RNF123: variants seen among roughly 807,000 people sequenced by gnomAD.
RNF123 encodes ring finger protein 123.
RNF123 carries 86 observed loss-of-function variants against 168.5 expected under a neutral mutation model. The observed-to-expected ratio is 0.51, with a 90% CI of 0.43 to 0.61. The LOEUF (loss-of-function observed/expected upper bound fraction) is 0.61. RNF123 is among the 20% of genes least tolerant of loss of function. RNF123 has a pLI of 0.00. For synonymous variants in RNF123, 666 were observed against 689.1 expected (o/e 0.97, Z 0.52); for missense variants, 1,419 against 1,729.7 (o/e 0.82, Z 3.19).
intron 35 of RNF123, chr3:49,718,852 G>A (rs754152158): frequency 2.5e-6 from 4 of 1,613,448 alleles, no homozygotes; most frequent in Non-Finnish European, 1.7e-6. Context: ...GGCCGGCAGC[G>A]CGGCCAGCTC....
At chr3:49,705,402 G>A (rs2054495364) in intron 23 of RNF123, 132 bp from the exon 24 acceptor site, 31 of 1,352,650 alleles carry the variant, frequency 2.3e-5, no homozygotes, top group Admixed American at 5.1e-5. Flanking sequence ...CTACCCCCAT[G>A]CCCCCATGGG....
chr3:49,719,962 T>C (rs560624928), intron 35 of RNF123: 1 of 165,248 alleles, frequency 6.1e-6, no homozygotes, highest in African/African-American at 2.4e-5. Context: ...GAAGGACTGA[T>C]AATATTATGG....
At chr3:49,700,405 C>G in intron 13 of RNF123, 53 bp downstream of exon 13, 1 of 1,612,228 alleles carries the variant, frequency 6.2e-7, no homozygotes, top group Non-Finnish European at 8.5e-7. Flanking sequence ...TCACTGGGGT[C>G]GGGAAGATAC....
chr3:49,719,203 C>G, intron 35 of RNF123: 1 of 1,613,256 alleles, frequency 6.2e-7, no homozygotes, highest in African/African-American at 1.3e-5. Context: ...GTGCAGGGCG[C>G]GCAGCTGGAA....
chr3:49,712,982 C>T (rs2080172850), intron 27 of RNF123: 1 of 699,572 alleles, frequency 1.4e-6, no homozygotes, highest in Non-Finnish European at 2.6e-6. Context: ...CACCTTGACT[C>T]CCTGGCACTG....
Position 49,716,469 on chromosome 3 carries a change from A to C in RNF123, c.3492A>C (p.Pro1164=), listed in dbSNP as rs781701224. The C allele has an allele frequency of 6.8e-6, 11 of 1,613,784 alleles. No individual in the cohort carries two copies. The African/African-American group carries it at 1.5e-4, about 22-fold the overall frequency. Residue 1164 remains proline, a synonymous_variant, in exon 35 of 39, where the codon CCA becomes CCC. Transcript: ENST00000327697. ...TGGTGCAGCTCCTGGTGCGTGGCCC[A>C]GCCTCAGAGTGAGTGTTGGGGACCG... is the stretch of plus-strand genomic sequence containing the variant. ...GILVQLLVRG[P]ASEREQATSV...
intron 3 of RNF123, among the ~76,000 whole-genome samples, chr3:49,696,528 G>T (rs1575520645): frequency 1.3e-5 from 2 of 151,748 alleles, no homozygotes. Flanking sequence ...TAGTAGAGTC[G>T]CAATTTCACC....
intron 3 of RNF123, among the ~76,000 whole-genome samples, chr3:49,696,773 A>C (rs1461304983): frequency 6.6e-6 from 1 of 150,682 alleles, no homozygotes; most frequent in Non-Finnish European, 1.5e-5. Context: ...CTGTCTCCCG[A>C]GTAGCTGGGA....
chr3:49,719,131 C>T (rs1315205097), intron 35 of RNF123: 10 of 1,613,496 alleles, frequency 6.2e-6, no homozygotes, highest in African/African-American at 1.3e-5. Flanking sequence ...ATCGAGCAGC[C>T]TCAGGCCGCT....
Position 49,720,810 on chromosome 3 carries a change from T to TATC in RNF123, c.3656_3658dup (p.Ile1219dup), listed in dbSNP as rs779508515. 1.9e-6 allele frequency: 3 copies of TATC among 1,614,054 alleles called. No homozygotes were observed. In the African/African-American group the frequency reaches 4.0e-5, roughly 22 times the overall value. ...CCTACCACTCCCCAGATGCGGATTA[T>TATC]ATCAGTGCCGATGAGCTGGCCCAAG... On this transcript the variant is annotated inframe_insertion, in exon 37 of 39. Transcript: ENST00000327697.
intron 26 of RNF123, among the ~76,000 whole-genome samples, chr3:49,711,806 C>T (rs770994246): frequency 6.6e-6 from 1 of 152,130 alleles, no homozygotes; most frequent in Non-Finnish European, 1.5e-5. Context: ...TTCCTGTGAC[C>T]TCTGTTCCAC....
intron 3 of RNF123, among the ~76,000 whole-genome samples, chr3:49,693,833 T>C (rs1411082203): frequency 6.6e-6 from 1 of 152,240 alleles, no homozygotes; most frequent in Non-Finnish European, 1.5e-5. Context: ...TAGTTTTGAT[T>C]TGCATTTCTC....
chr3:49,716,079 A>G (rs1160160177), intron 33 of RNF123, 23 bp from the exon 34 acceptor site: 12 of 1,613,624 alleles, frequency 7.4e-6, no homozygotes, highest in Middle Eastern at 3.3e-4. Context: ...CCATCCACCA[A>G]TGGACTCCTG....
intron 21 of RNF123, among the ~76,000 whole-genome samples, chr3:49,704,430 G>A (rs2054470706): frequency 6.6e-6 from 1 of 152,182 alleles, no homozygotes; most frequent in African/African-American, 2.4e-5. Context: ...GGTGTGATGG[G>A]GAAGGCCTCC....
rs576767657 is a variant in RNF123, at chr3:49,720,454, G to C, written c.3501-57G>C. On this transcript the variant is annotated intron_variant, in intron 35 of 38. Coordinates refer to ENST00000327697, the MANE Select transcript of RNF123 (RefSeq NM_022064.5). ...GCACTCCTCATTGGCAATCCCAAGA[G>C]AGACTTTTAGCCAGGCCCCAAGCCT... 14 of 1,494,944 alleles carry C rather than the reference G, an allele frequency of 9.4e-6. No homozygotes were observed. The East Asian group carries it at 2.8e-4, about 29-fold the overall frequency. The allele number at this position is 1,494,944 out of a possible 1,614,324, so 92.6% of individuals were successfully genotyped here.
rs776982601 is a variant in RNF123, at chr3:49,713,891, C to T, written c.2838-19C>T. 1.2e-6 allele frequency: 2 copies of T among 1,613,196 alleles called. No homozygotes were observed. Among genetic ancestry groups the T allele is most frequent in the African/African-American group, 2.7e-5 (2 of 74,916 alleles). On this transcript the variant is annotated intron_variant, in intron 29 of 38. Transcript: ENST00000327697. ...CCATGCCCAGCCTCACCCCGTCTCT[C>T]CCCTCCTTGCCCTCACAGGCGTATC...
At chr3:49,703,649 ACC>A in intron 21 of RNF123, 121 bp downstream of exon 21, 1 of 714,884 alleles carries the variant, frequency 1.4e-6, no homozygotes, top group Non-Finnish European at 2.3e-6. Flanking sequence ...AAGTCTTTCC[ACC>A]CACTCAGGCA....
chr3:49,717,722 C>T, intron 35 of RNF123: 3 of 602,604 alleles, frequency 5.0e-6, no homozygotes, highest in Admixed American at 3.0e-5. Flanking sequence ...CCTTGCAGGG[C>T]CTGGGGCCTT....
At chr3:49,689,720 C>T (rs1047467732) in intron 1 of RNF123, 114 bp downstream of exon 1, 2 of 152,324 alleles carry the variant, frequency 1.3e-5, no homozygotes, top group African/African-American at 4.8e-5. Flanking sequence ...TGCGAAACTC[C>T]GAGCGGAAGC....
Sources: allele counts gnomAD v4.1 joint callset (sites outside exome capture counted in the v4.1 genomes callset), GRCh38; gene constraint gnomAD v4.1.1; transcripts MANE v1.5; gene names NCBI Gene and HGNC (gene_info 2026-07-23, HGNC 2026-07-21).